Variants in RAB27B observed in about 807,000 individuals in gnomAD.
RAB27B encodes RAB27B, member RAS oncogene family, also known as ras-related protein Rab-27B.
RAB27B carries 15 observed loss-of-function variants against 24.6 expected under a neutral mutation model. The observed-to-expected ratio is 0.61, with a 90% CI of 0.41 to 0.94. The LOEUF (loss-of-function observed/expected upper bound fraction) is 0.94, where lower values mean the gene tolerates loss of function less well. Ranked by LOEUF, RAB27B falls within the 40% of genes least tolerant of loss-of-function variation. The probability of loss-of-function intolerance (pLI) is 0.00; values close to 1 mark genes in which losing one functional copy is unlikely to be tolerated. For missense variants in RAB27B, 261 were observed against 266.8 expected, an observed-to-expected ratio of 0.98 and a Z score of 0.15; for synonymous variants, 105 against 92.5, an observed-to-expected ratio of 1.14 and a Z score of -0.78.
At chr18:54,876,946 T>A (rs909474157) in intron 1 of RAB27B, among the ~76,000 whole-genome samples, 5 of 152,166 alleles carry the variant, frequency 3.3e-5, no homozygotes, top group African/African-American at 1.2e-4. Flanking sequence ...CTTTAAGTTC[T>A]ACTATTGCTG....
At chr18:54,749,346 A>G (rs1907751387) in intron 2 of RAB27B, among the ~76,000 whole-genome samples, 1 of 152,172 alleles carries the variant, frequency 6.6e-6, no homozygotes, top group African/African-American at 2.4e-5. Context: ...TCGCATGCTG[A>G]AACGCCAGGT....
chr18:54,863,698 A>C (rs1912097378), intron 1 of RAB27B, among the ~76,000 whole-genome samples: 1 of 152,188 alleles, frequency 6.6e-6, no homozygotes, highest in Non-Finnish European at 1.5e-5. Flanking sequence ...CGCTGGCAAA[A>C]GCGCCTATAC....
intron 3 of RAB27B, among the ~76,000 whole-genome samples, chr18:54,881,080 A>G (rs918927346): frequency 6.6e-5 from 10 of 152,118 alleles, no homozygotes; most frequent in African/African-American, 2.4e-4. Flanking sequence ...CTTCATTCCC[A>G]GTGAGGGGGA....
intron 2 of RAB27B, among the ~76,000 whole-genome samples, chr18:54,775,811 C>G (rs1908695994): frequency 6.6e-6 from 1 of 152,216 alleles, no homozygotes; most frequent in East Asian, 1.9e-4. Context: ...TCCCCAATCT[C>G]TTGCCAATGC....
chr18:54,809,301 C>T (rs529697333), intron 2 of RAB27B, among the ~76,000 whole-genome samples: 7 of 152,230 alleles, frequency 4.6e-5, no homozygotes, highest in Middle Eastern at 3.4e-3. Context: ...TTCAGTTTGT[C>T]GATCTGGTTG....
At chr18:54,877,876 ATAT>A (rs1912771177) in intron 2 of RAB27B, 138 bp downstream of exon 2, 2 of 933,768 alleles carry the variant, frequency 2.1e-6, no homozygotes, top group South Asian at 2.3e-5. Context: ...TTATTTTAGA[ATAT>A]TATTTACTAC....
At chr18:54,720,341 T>C (rs1199220082) in intron 2 of RAB27B, among the ~76,000 whole-genome samples, 2 of 152,054 alleles carry the variant, frequency 1.3e-5, no homozygotes, top group African/African-American at 4.8e-5. Context: ...AGTGTTAAGG[T>C]TGACATTTCT....
intron 2 of RAB27B, 149 bp downstream of exon 2, chr18:54,877,887 T>C (rs1214271110): frequency 7.9e-6 from 7 of 882,226 alleles, no homozygotes; most frequent in Non-Finnish European, 1.1e-5. Context: ...TATTATTTAC[T>C]ACTTTTCAAC....
intron 1 of RAB27B, among the ~76,000 whole-genome samples, chr18:54,859,060 T>C (rs1011348724): frequency 2.6e-5 from 4 of 152,170 alleles, no homozygotes; most frequent in African/African-American, 9.7e-5. Context: ...GAAATTGCCA[T>C]ATTTTTTCCT....
chr18:54,719,665 AT>A (rs1232042382), intron 2 of RAB27B, among the ~76,000 whole-genome samples: 1 of 151,992 alleles, frequency 6.6e-6, no homozygotes, highest in Non-Finnish European at 1.5e-5. Context: ...GGCAAAAGTA[AT>A]TTTTTAAACC....
chr18:54,786,560 T>C (rs915574916), intron 2 of RAB27B, among the ~76,000 whole-genome samples: 5 of 152,224 alleles, frequency 3.3e-5, no homozygotes, highest in African/African-American at 1.2e-4. Context: ...AGCATTTAAC[T>C]CTAGACACAT....
At chr18:54,726,724 G>A (rs1909549759) in intron 2 of RAB27B, among the ~76,000 whole-genome samples, 1 of 151,460 alleles carries the variant, frequency 6.6e-6, no homozygotes, top group Admixed American at 6.6e-5. Context: ...GATTTTCTTT[G>A]TATAAACACT....
At chr18:54,843,854 T>A (rs1911213907) in intron 1 of RAB27B, among the ~76,000 whole-genome samples, 1 of 152,210 alleles carries the variant, frequency 6.6e-6, no homozygotes. Flanking sequence ...ACATTTAACA[T>A]TAAAAATCAT....
At chr18:54,850,349 T>TAC (rs1911520314) in intron 1 of RAB27B, among the ~76,000 whole-genome samples, 1 of 133,378 alleles carries the variant, frequency 7.5e-6, no homozygotes, top group African/African-American at 3.1e-5. Context: ...TATATATATA[T>TAC]ATATATATAT....
chr18:54,760,676 C>T (rs535753525), intron 2 of RAB27B, among the ~76,000 whole-genome samples: 9 of 152,028 alleles, frequency 5.9e-5, no homozygotes, highest in African/African-American at 1.2e-4. Flanking sequence ...TACAGGGTAA[C>T]GTAACACAGA....
chr18:54,783,463 A>G lies in RAB27B; in HGVS notation c.-20+65322A>G, dbSNP rs147915718. On this transcript the variant is annotated intron_variant, in intron 2 of 4. Coordinates refer to the RAB27B transcript ENST00000586570. ...ATTTTGCTTCAGCTTTAAAATGTTA[A>G]TTATGAAGCCTATGGCTTTGTGTGT... Among the ~76,000 whole-genome samples, 76 of 147,586 alleles carry G rather than the reference A, an allele frequency of 5.1e-4. 1 individual carries two copies. In the East Asian group the frequency reaches 7.4e-3, roughly 14 times the overall value.
At chr18:54,809,116 T>C (rs1179486348) in intron 2 of RAB27B, among the ~76,000 whole-genome samples, 2 of 152,214 alleles carry the variant, frequency 1.3e-5, no homozygotes, top group Non-Finnish European at 2.9e-5. Flanking sequence ...TAGTAGAAAG[T>C]TGTAATAGGT....
At chr18:54,872,968 G>T (rs990045853) in intron 1 of RAB27B, among the ~76,000 whole-genome samples, 5 of 152,190 alleles carry the variant, frequency 3.3e-5, no homozygotes, top group Non-Finnish European at 7.3e-5. Flanking sequence ...AAAATAGCAG[G>T]AGCTGAGAGA....
intron 2 of RAB27B, among the ~76,000 whole-genome samples, chr18:54,767,522 A>G (rs1222749215): frequency 1.3e-5 from 2 of 152,234 alleles, no homozygotes; most frequent in African/African-American, 2.4e-5. Context: ...TGAAAATAAT[A>G]TAGGAAAGAA....
Sources: allele counts gnomAD v4.1 joint callset (sites outside exome capture counted in the v4.1 genomes callset), GRCh38; gene constraint gnomAD v4.1.1; transcripts MANE v1.5; gene names NCBI Gene and HGNC (gene_info 2026-07-23, HGNC 2026-07-21).